The following FAM227A variants were observed in gnomAD, a reference collection of about 807,000 sequenced individuals.
FAM227A encodes the protein family with sequence similarity 227 member A, also known as protein FAM227A.
In FAM227A, 80 loss-of-function variants were observed where a neutral mutation model predicts 74.7. That is an observed-to-expected ratio of 1.07 (90% CI 0.89 to 1.29). The LOEUF (loss-of-function observed/expected upper bound fraction) is 1.29. Among genes scored for constraint, FAM227A ranks in the 50% most tolerant of loss-of-function variants. The pLI, the probability that FAM227A is intolerant of heterozygous loss-of-function variation, is 0.00. For missense variants in FAM227A, 654 were observed against 683.4 expected, an observed-to-expected ratio of 0.96 and a Z score of 0.48; for synonymous variants, 237 against 241.8, an observed-to-expected ratio of 0.98 and a Z score of 0.19.
intron 16 of FAM227A, among the ~76,000 whole-genome samples, chr22:38,589,254 G>A (rs140108302): frequency 6.6e-6 from 1 of 152,176 alleles, no homozygotes; most frequent in Non-Finnish European, 1.5e-5. Flanking sequence ...GAGAGGCAAA[G>A]GAAGACTACC....
chr22:38,620,929 G>T (rs1205542246), intron 10 of FAM227A, among the ~76,000 whole-genome samples: 1 of 152,142 alleles, frequency 6.6e-6, no homozygotes, highest in Non-Finnish European at 1.5e-5. Context: ...AAATTAAAAT[G>T]CTTAAATGCT....
intron 8 of FAM227A, among the ~76,000 whole-genome samples, chr22:38,627,637 C>G (rs1031330808): frequency 6.6e-6 from 1 of 151,860 alleles, no homozygotes; most frequent in Non-Finnish European, 1.5e-5. Flanking sequence ...CAGAGTCTCA[C>G]TCTGTTGCCC....
At position 38,599,748 on chromosome 22, in the gene FAM227A, A is replaced by G; in HGVS notation, c.1379+16T>C. ...GCCTGGAGCAGTGCGCACCCTGCCC[A>G]CAGTGACAAGGATATGGGGTGCTCG... On this transcript the variant is annotated intron_variant, in intron 14 of 16. Transcript: ENST00000535113. 6.5e-7 allele frequency: 1 copy of G among 1,547,980 alleles called. No homozygotes were observed. The highest frequency in any genetic ancestry group is 2.0e-5 in the Admixed American group (1 of 50,458).
intron 13 of FAM227A, among the ~76,000 whole-genome samples, chr22:38,601,812 G>A (rs2091184832): frequency 6.6e-6 from 1 of 152,112 alleles, no homozygotes. Flanking sequence ...CGGCTCAGAG[G>A]ACTTGGGTGT....
At chr22:38,602,668 T>C (rs1284742035) in intron 13 of FAM227A, among the ~76,000 whole-genome samples, 1 of 152,248 alleles carries the variant, frequency 6.6e-6, no homozygotes, top group East Asian at 1.9e-4. Context: ...TTTTAATGAA[T>C]TTACTTAGTA....
chr22:38,589,853 C>T (rs1251868944), intron 16 of FAM227A, among the ~76,000 whole-genome samples: 2 of 152,132 alleles, frequency 1.3e-5, no homozygotes, highest in Non-Finnish European at 2.9e-5. Context: ...GTAATCCCAG[C>T]ACTTTGGGAG....
intron 3 of FAM227A, among the ~76,000 whole-genome samples, chr22:38,643,999 T>G (rs1405007689): frequency 6.6e-6 from 1 of 151,456 alleles, no homozygotes; most frequent in Non-Finnish European, 1.5e-5. Flanking sequence ...TACAAAAAAT[T>G]AGCCTGGCGT....
At chr22:38,612,682 G>C (rs2091440492) in intron 11 of FAM227A, among the ~76,000 whole-genome samples, 1 of 152,088 alleles carries the variant, frequency 6.6e-6, no homozygotes, top group Non-Finnish European at 1.5e-5. Flanking sequence ...ATGAGCAATG[G>C]GGAGGAAATG....
chr22:38,644,145 CAAAAAAAAA>C (rs950184744), intron 3 of FAM227A, among the ~76,000 whole-genome samples: 1 of 43,598 alleles, frequency 2.3e-5, no homozygotes, highest in South Asian at 1.1e-3. Flanking sequence ...GACTCCATCT[CAAAAAAAAA>C]AAAAAAAAAA....
intron 8 of FAM227A, 113 bp from the exon 9 acceptor site, chr22:38,626,416 GT>G: frequency 7.8e-7 from 1 of 1,286,498 alleles, no homozygotes; most frequent in Non-Finnish European, 1.0e-6. Flanking sequence ...TGTTGTTGTT[GT>G]TTAGAGACAA....
At chr22:38,616,649 G>A (rs1041827869) in intron 11 of FAM227A, among the ~76,000 whole-genome samples, 56 of 150,972 alleles carry the variant, frequency 3.7e-4, no homozygotes, top group African/African-American at 1.3e-3. Flanking sequence ...CTGGGCTACA[G>A]GAGCGAAACT....
intron 11 of FAM227A, among the ~76,000 whole-genome samples, chr22:38,615,463 C>CA (rs1405897240): frequency 1.3e-5 from 2 of 152,220 alleles, no homozygotes; most frequent in Non-Finnish European, 2.9e-5. Context: ...AGGGCAATGA[C>CA]AGTGAACCTG....
At chr22:38,609,326 A>G (rs1036658849) in intron 11 of FAM227A, among the ~76,000 whole-genome samples, 3 of 152,202 alleles carry the variant, frequency 2.0e-5, no homozygotes, top group Admixed American at 2.0e-4. Flanking sequence ...AGCCAGGTAC[A>G]TGCCCAGCAA....
rs1207367946 is a variant in FAM227A, at chr22:38,599,915, C to T, written c.1228G>A (p.Ala410Thr). Residue 410 changes from alanine (A) to threonine (T), a missense_variant, in exon 14 of 17, where the codon GCT (alanine) becomes ACT (threonine). Ala to Thr is a moderately conservative substitution (Grantham distance 58, BLOSUM62 0). Transcript: ENST00000535113. ...GTCAGCTCAGGGCTTTTGCAGGCAG[C>T]ACACGACTAAGGATGAAAGAAAAAG... ...CENMFPKKSC[A>T]ACKSPELTSN... 1.3e-6 allele frequency: 2 copies of T among 1,545,778 alleles called. No individual in the cohort carries two copies. Among genetic ancestry groups the T allele is most frequent in the Non-Finnish European group, 8.7e-7 (1 of 1,144,778 alleles).
At chr22:38,601,878 A>G (rs6001168) in intron 13 of FAM227A, among the ~76,000 whole-genome samples, 3,876 of 152,136 alleles carry the variant, frequency 0.025, 170 homozygotes, top group African/African-American at 0.089. Flanking sequence ...TGGGAAAGTC[A>G]AGTCCCGTTT....
At chr22:38,637,354 GTTCCC>G (rs1396247542) in intron 5 of FAM227A, among the ~76,000 whole-genome samples, 1 of 152,104 alleles carries the variant, frequency 6.6e-6, no homozygotes, top group Non-Finnish European at 1.5e-5. Context: ...GGAGCATGTA[GTTCCC>G]CTCCCTTTGG....
chr22:38,614,138 A>T (rs746704106), intron 11 of FAM227A, among the ~76,000 whole-genome samples: 1 of 152,110 alleles, frequency 6.6e-6, no homozygotes, highest in Non-Finnish European at 1.5e-5. Flanking sequence ...ACTATATACT[A>T]CTTCTCCAGG....
intron 3 of FAM227A, 134 bp from the exon 4 acceptor site, chr22:38,639,858 T>C: frequency 1.5e-6 from 1 of 679,926 alleles, no homozygotes; most frequent in South Asian, 1.7e-5. Context: ...GTGCCTTGTC[T>C]TTCCAGGTGG....
At chr22:38,622,873 CAAAAAAAA>C (rs138871600) in intron 10 of FAM227A, among the ~76,000 whole-genome samples, 11 of 45,134 alleles carry the variant, frequency 2.4e-4, no homozygotes, top group African/African-American at 5.7e-4. Flanking sequence ...AAGACTGTCT[CAAAAAAAA>C]AAAAAAAAAA....
Sources: allele counts gnomAD v4.1 joint callset (sites outside exome capture counted in the v4.1 genomes callset), GRCh38; gene constraint gnomAD v4.1.1; transcripts MANE v1.5; gene names NCBI Gene and HGNC (gene_info 2026-07-23, HGNC 2026-07-21).